Variants in KCNH1 observed in about 807,000 individuals in gnomAD.
KCNH1 encodes the protein voltage-gated delayed rectifier potassium channel KCNH1.
KCNH1 carries 27 observed loss-of-function variants against 69.2 expected under a neutral mutation model. The observed-to-expected ratio is 0.39, with a 90% CI of 0.29 to 0.54. The LOEUF is 0.54. Among genes scored for constraint, KCNH1 ranks in the 20% least tolerant of loss-of-function variants. KCNH1 has a pLI of 0.68. For missense variants in KCNH1, 798 were observed against 1,261.6 expected (o/e 0.63, Z 5.57); for synonymous variants, 456 against 487.7 (o/e 0.93, Z 0.86).
intron 5 of KCNH1, among the ~76,000 whole-genome samples, chr1:211,070,996 A>G (rs1440263589): frequency 6.6e-6 from 1 of 152,202 alleles, no homozygotes; most frequent in Admixed American, 6.5e-5. Flanking sequence ...ACTGACCAGA[A>G]GCCTTACCAA....
intron 7 of KCNH1, among the ~76,000 whole-genome samples, chr1:210,820,847 G>A (rs1417796564): frequency 1.3e-5 from 2 of 152,074 alleles, no homozygotes; most frequent in Non-Finnish European, 1.5e-5. Flanking sequence ...AGGAATATAG[G>A]TGGCCTCTAG....
At chr1:210,893,667 C>T (rs996962064) in intron 7 of KCNH1, among the ~76,000 whole-genome samples, 2 of 152,034 alleles carry the variant, frequency 1.3e-5, no homozygotes, top group African/African-American at 4.8e-5. Flanking sequence ...AGCAGCCTCA[C>T]AAGCCAGAGT....
Position 211,018,879 on chromosome 1 carries a change from A to G in KCNH1, c.936T>C (p.Phe312=). 4 of 1,614,066 alleles carry G rather than the reference A, an allele frequency of 2.5e-6. No individual in the cohort carries two copies. The highest frequency in any genetic ancestry group is 1.7e-4 in the Middle Eastern group (1 of 6,060). Reference sequence around the variant, plus strand: ...AGGCACTAACCTCATCCACGTTCTCAAAAGCGTTGATGACATCATATGGCA... The same window carrying G: ...AGGCACTAACCTCATCCACGTTCTCGAAAGCGTTGATGACATCATATGGCA... The part of the protein sequence containing the change: ...SCLPYDVINA[F]ENVDEVSAFM... The change falls in exon 6 of 11, where the codon TTT becomes TTC. Residue 312 remains phenylalanine (F), a synonymous_variant. Coordinates refer to ENST00000271751, the MANE Select transcript of KCNH1 (RefSeq NM_172362.3).
chr1:210,835,773 C>A (rs754235777), intron 7 of KCNH1, among the ~76,000 whole-genome samples: 9 of 152,044 alleles, frequency 5.9e-5, no homozygotes, highest in Non-Finnish European at 1.3e-4. Context: ...GAGAAGAGGA[C>A]AATTGAACAG....
At chr1:211,031,936 A>G (rs1350847785) in intron 5 of KCNH1, among the ~76,000 whole-genome samples, 1 of 152,188 alleles carries the variant, frequency 6.6e-6, no homozygotes, top group Admixed American at 6.5e-5. Flanking sequence ...GAAGGAAATA[A>G]AGGGTATTCA....
At chr1:211,097,438 T>A (rs1430041351) in intron 3 of KCNH1, among the ~76,000 whole-genome samples, 2 of 151,524 alleles carry the variant, frequency 1.3e-5, no homozygotes, top group Admixed American at 6.6e-5. Flanking sequence ...AAATGGTTTT[T>A]AAAAAAAAAG....
intron 7 of KCNH1, among the ~76,000 whole-genome samples, chr1:210,870,058 G>C (rs1686206762): frequency 6.6e-6 from 1 of 152,094 alleles, no homozygotes; most frequent in South Asian, 2.1e-4. Flanking sequence ...GGTCCAGAAA[G>C]TATCTCCAGG....
chr1:210,973,164 T>C (rs1230284860), intron 6 of KCNH1, among the ~76,000 whole-genome samples: 1 of 152,142 alleles, frequency 6.6e-6, no homozygotes, highest in Non-Finnish European at 1.5e-5. Context: ...TTCTGACCTT[T>C]GGACATTTCA....
At chr1:210,985,534 T>C (rs1164717744) in intron 6 of KCNH1, among the ~76,000 whole-genome samples, 4 of 152,248 alleles carry the variant, frequency 2.6e-5, no homozygotes, top group Non-Finnish European at 5.9e-5. Flanking sequence ...CTTCATTTCG[T>C]TATGTACCCA....
At chr1:210,887,206 A>G (rs1440810702) in intron 7 of KCNH1, among the ~76,000 whole-genome samples, 1 of 152,236 alleles carries the variant, frequency 6.6e-6, no homozygotes, top group East Asian at 1.9e-4. Context: ...TCTCAGCAGA[A>G]ACATACAAGC....
chr1:211,117,174 C>A (rs1281870754), intron 1 of KCNH1, among the ~76,000 whole-genome samples: 1 of 152,142 alleles, frequency 6.6e-6, no homozygotes, highest in African/African-American at 2.4e-5. Context: ...CACTGTCTTT[C>A]TTTTGTGTGT....
chr1:210,757,849 C>T (rs1683432581), intron 10 of KCNH1, among the ~76,000 whole-genome samples: 1 of 152,248 alleles, frequency 6.6e-6, no homozygotes, highest in South Asian at 2.1e-4. Context: ...CCTGTGGGGG[C>T]TCCATAAAGC....
chr1:210,950,858 T>C (rs1335735553), intron 6 of KCNH1, among the ~76,000 whole-genome samples: 1 of 152,228 alleles, frequency 6.6e-6, no homozygotes, highest in African/African-American at 2.4e-5. Context: ...TGCTACTTAT[T>C]GAGTGGCCTC....
chr1:210,875,013 GGGAA>G (rs1686337012), intron 7 of KCNH1, among the ~76,000 whole-genome samples: 1 of 152,060 alleles, frequency 6.6e-6, no homozygotes, highest in African/African-American at 2.4e-5. Context: ...TACACTTGAA[GGGAA>G]GGAAGGAAGG....
chr1:210,823,880 C>G (rs530945558), intron 7 of KCNH1, among the ~76,000 whole-genome samples: 1 of 152,246 alleles, frequency 6.6e-6, no homozygotes, highest in South Asian at 2.1e-4. Flanking sequence ...ACACCTCTCC[C>G]CTGTCTCCTG....
rs377589852 is a variant in KCNH1 at position 210,804,105 on chromosome 1, G to A, written c.1524C>T (p.Asn508=). 8.3e-5 allele frequency: 134 copies of A among 1,614,098 alleles called. No homozygotes were observed. The Middle Eastern group carries it at 2.1e-3, about 26-fold the overall frequency. The part of the protein sequence containing the change: ...VTTIFQQMYA[N]TNRYHEMLNS... ...TGAGCATCTCATGGTATCTGTTGGT[G>A]TTGGCATACATCTGTTGGAAAATAG... Residue 508 remains asparagine (N), a synonymous_variant, in exon 8 of 11, where the codon AAC becomes AAT. Transcript: ENST00000271751.
intron 7 of KCNH1, among the ~76,000 whole-genome samples, chr1:210,846,467 C>T (rs962983103): frequency 2.0e-5 from 3 of 152,010 alleles, no homozygotes; most frequent in Admixed American, 6.6e-5. Flanking sequence ...CTGAGAAAAA[C>T]AAGCAATGGG....
intron 6 of KCNH1, among the ~76,000 whole-genome samples, chr1:210,975,432 A>C (rs967931587): frequency 2.0e-5 from 3 of 152,234 alleles, no homozygotes; most frequent in African/African-American, 7.2e-5. Context: ...CAGAGCCTTC[A>C]GGAATAATAC....
At chr1:211,085,331 C>G (rs1041647631) in intron 4 of KCNH1, among the ~76,000 whole-genome samples, 1 of 151,912 alleles carries the variant, frequency 6.6e-6, no homozygotes, top group Admixed American at 6.6e-5. Flanking sequence ...AGAACCTGGA[C>G]AGTAAAAACC....
Sources: gnomAD v4.1 joint callset for allele counts (sites outside exome capture counted in the v4.1 genomes callset) on GRCh38, gnomAD v4.1.1 for gene constraint, MANE v1.5 for transcripts, NCBI Gene and HGNC (gene_info 2026-07-23, HGNC 2026-07-21) for gene names.